The following ZC3H8 variants were observed in gnomAD, a reference collection of about 807,000 sequenced individuals.
ZC3H8 encodes the protein zinc finger CCCH domain-containing protein 8.
ZC3H8 carries 27 observed loss-of-function variants against 42.5 expected under a neutral mutation model. The observed-to-expected ratio is 0.64, with a 90% CI of 0.47 to 0.88. The LOEUF (loss-of-function observed/expected upper bound fraction) is 0.88. Among genes scored for constraint, ZC3H8 ranks in the 40% least tolerant of loss-of-function variants. ZC3H8 has a pLI of 0.00. For synonymous variants in ZC3H8, 101 were observed against 110.1 expected (o/e 0.92, Z 0.52); for missense variants, 277 against 336.1 (o/e 0.82, Z 1.37).
intron 2 of ZC3H8, among the ~76,000 whole-genome samples, chr2:112,243,836 A>T (rs767413472): frequency 1.4e-4 from 21 of 152,162 alleles, no homozygotes; most frequent in Non-Finnish European, 2.5e-4. Context: ...TGAAAAACAG[A>T]TCCAGAAGAA....
chr2:112,218,184 T>G (rs1386156971), intron 8 of ZC3H8, among the ~76,000 whole-genome samples: 1 of 152,226 alleles, frequency 6.6e-6, no homozygotes, highest in African/African-American at 2.4e-5. Flanking sequence ...CTTCCCATTC[T>G]CTAGGCATAA....
chr2:112,252,074 C>T (rs949019586), intron 1 of ZC3H8, among the ~76,000 whole-genome samples: 5 of 152,094 alleles, frequency 3.3e-5, no homozygotes, highest in Non-Finnish European at 5.9e-5. Context: ...CCAGGCTATC[C>T]CTTTCTATAT....
In ZC3H8 at chr2:112,241,113, G is replaced by A. The variant is rs78722843; in HGVS notation, c.157-2585C>T. Among the ~76,000 whole-genome samples, 48 of 151,994 alleles carry A rather than the reference G, an allele frequency of 3.2e-4. No homozygotes were observed. The East Asian group carries it at 8.1e-3, about 26-fold the overall frequency. On this transcript the variant is annotated intron_variant, in intron 2 of 8. Transcript: ENST00000409573. ...AAGGAAGTTATGCTCTAAAGGGTGG[G>A]CTTAGGTACAGTGTGAGAAATGGGG...
At chr2:112,250,403 C>T in intron 1 of ZC3H8, 131 bp from the exon 2 acceptor site, 1 of 513,172 alleles carries the variant, frequency 1.9e-6, no homozygotes, top group Non-Finnish European at 3.3e-6. Context: ...AAATTCTATA[C>T]CAAATACTCC....
At chr2:112,238,594 A>T in intron 2 of ZC3H8, 66 bp from the exon 3 acceptor site, 1 of 1,351,992 alleles carries the variant, frequency 7.4e-7, no homozygotes, top group South Asian at 1.4e-5. Context: ...GGCTATACAG[A>T]AGAAACAAGA....
chr2:112,214,112 A>T lies in ZC3H8; in HGVS notation c.*2372T>A, dbSNP rs1031643941. The stretch of plus-strand genomic sequence containing the variant: ...CAGGTGCCCGCCACCTCGCCCAGCT[A>T]ATTTTTTGTAATTTTAGTAGAGATG... On this transcript the variant is annotated 3_prime_UTR_variant, in exon 9 of 9. Coordinates refer to ENST00000409573, the MANE Select transcript of ZC3H8 (RefSeq NM_032494.3). 6.6e-6 allele frequency: 1 copy of T among 151,852 alleles called. No individual in the cohort carries two copies. Among genetic ancestry groups the T allele is most frequent in the African/African-American group, 2.4e-5 (1 of 41,340 alleles). The allele number at this position is 151,852 out of a possible 1,614,324, so 9.4% of individuals were successfully genotyped here.
Position 112,238,314 on chromosome 2 carries a change from C to G in ZC3H8, c.370+1G>C. Reference sequence around the variant, plus strand: ...AAATGATAAAATAGTTTGACTCTTACCCTGTGGGGTATCTTTTACTCCTTC... The same window carrying G: ...AAATGATAAAATAGTTTGACTCTTAGCCTGTGGGGTATCTTTTACTCCTTC... On this transcript the variant is annotated splice_donor_variant, in intron 3 of 8. Coordinates refer to ENST00000409573, the MANE Select transcript of ZC3H8 (RefSeq NM_032494.3). LOFTEE classifies it high-confidence loss of function. The G allele has an allele frequency of 6.2e-7, 1 of 1,612,828 alleles. No homozygotes were observed. Among genetic ancestry groups the G allele is most frequent in the Non-Finnish European group, 8.5e-7 (1 of 1,179,558 alleles).
At chr2:112,225,358 G>A (rs760088325) in intron 8 of ZC3H8, among the ~76,000 whole-genome samples, 7 of 152,204 alleles carry the variant, frequency 4.6e-5, no homozygotes, top group Non-Finnish European at 8.8e-5. Flanking sequence ...CACACCTGCA[G>A]TCCCAGCTAC....
intron 3 of ZC3H8, among the ~76,000 whole-genome samples, chr2:112,237,743 T>C (rs889761772): frequency 6.6e-6 from 1 of 151,864 alleles, no homozygotes; most frequent in Non-Finnish European, 1.5e-5. Context: ...ACCCTGATAC[T>C]TTTTTTTATT....
intron 4 of ZC3H8, among the ~76,000 whole-genome samples, chr2:112,234,977 A>C (rs756239076): frequency 6.6e-6 from 1 of 152,170 alleles, no homozygotes; most frequent in East Asian, 1.9e-4. Flanking sequence ...CACACTTATC[A>C]GCTCAAATTA....
intron 2 of ZC3H8, among the ~76,000 whole-genome samples, chr2:112,244,230 AAC>A (rs1478401935): frequency 6.6e-6 from 1 of 152,162 alleles, no homozygotes; most frequent in Non-Finnish European, 1.5e-5. Flanking sequence ...TCACCTTTGT[AAC>A]ACTGGATAGT....
chr2:112,235,487 G>A (rs1163648692), intron 4 of ZC3H8, among the ~76,000 whole-genome samples: 2 of 152,162 alleles, frequency 1.3e-5, no homozygotes, highest in African/African-American at 4.8e-5. Flanking sequence ...GAACCACAGG[G>A]CTTCAGATTC....
intron 1 of ZC3H8, among the ~76,000 whole-genome samples, chr2:112,253,058 C>T (rs1242772260): frequency 6.6e-6 from 1 of 151,920 alleles, no homozygotes; most frequent in East Asian, 1.9e-4. Flanking sequence ...GGTGTGAACC[C>T]GGAAGGCAGA....
intron 8 of ZC3H8, among the ~76,000 whole-genome samples, chr2:112,223,265 AAG>A (rs1684671457): frequency 6.6e-6 from 1 of 152,228 alleles, no homozygotes; most frequent in South Asian, 2.1e-4. Context: ...AATTTAAAAA[AAG>A]AAAAAAAAAG....
chr2:112,254,596 T>C (rs1411490664), intron 1 of ZC3H8, among the ~76,000 whole-genome samples: 4 of 152,212 alleles, frequency 2.6e-5, no homozygotes. Flanking sequence ...GGCGGGCTCC[T>C]CACCCGCTGC....
At chr2:112,224,603 T>A (rs1306348021) in intron 8 of ZC3H8, among the ~76,000 whole-genome samples, 2 of 152,178 alleles carry the variant, frequency 1.3e-5, no homozygotes, top group African/African-American at 4.8e-5. Flanking sequence ...CATCAACAGA[T>A]GAATAAACAA....
chr2:112,235,999 G>A (rs960698692), intron 4 of ZC3H8, among the ~76,000 whole-genome samples: 1 of 150,010 alleles, frequency 6.7e-6, no homozygotes, highest in East Asian at 2.0e-4. Context: ...TGTAATCCCA[G>A]CACTTAGGGA....
chr2:112,249,003 T>G (rs1157932730), intron 2 of ZC3H8, among the ~76,000 whole-genome samples: 1 of 152,106 alleles, frequency 6.6e-6, no homozygotes, highest in Non-Finnish European at 1.5e-5. Flanking sequence ...GAGACCAGCC[T>G]GGGCAACATG....
At chr2:112,238,192 T>C in intron 3 of ZC3H8, 123 bp downstream of exon 3, 4 of 1,009,676 alleles carry the variant, frequency 4.0e-6, no homozygotes, top group Non-Finnish European at 5.7e-6. Flanking sequence ...CTGGTATAAA[T>C]ATTCATGAAA....
Sources: gnomAD v4.1 joint callset for allele counts (sites outside exome capture counted in the v4.1 genomes callset) on GRCh38, gnomAD v4.1.1 for gene constraint, MANE v1.5 for transcripts, NCBI Gene and HGNC (gene_info 2026-07-23, HGNC 2026-07-21) for gene names.